SYTL5: variants seen among roughly 807,000 people sequenced by gnomAD.
The protein encoded by SYTL5 is synaptotagmin-like protein 5.
A neutral mutation model predicts 55.9 loss-of-function variants in SYTL5; 34 were observed. That is an observed-to-expected ratio of 0.61 (90% confidence interval 0.46 to 0.81). The LOEUF (loss-of-function observed/expected upper bound fraction) is 0.81, where lower values mean the gene tolerates loss of function less well. Among genes scored for constraint, SYTL5 ranks in the 30% least tolerant of loss-of-function variants. SYTL5 has a pLI of 0.00. For missense variants in SYTL5, 637 were observed against 546.7 expected, an observed-to-expected ratio of 1.17 and a Z score of -1.65; for synonymous variants, 221 against 188.7, an observed-to-expected ratio of 1.17 and a Z score of -1.40.
chrX:37,962,384 T>G, the SYTL5 span, among the ~76,000 whole-genome samples: 47 of 111,524 alleles, frequency 4.2e-4, no homozygotes, highest in Non-Finnish European at 8.3e-4. Context: ...TTCATCCATG[T>G]CCCTACAAAG....
At chrX:38,064,526 T>G (rs1936046533) in intron 3 of SYTL5, among the ~76,000 whole-genome samples, 1 of 111,496 alleles carries the variant, frequency 9.0e-6, no homozygotes, top group Non-Finnish European at 1.9e-5. Context: ...AATTTTATTT[T>G]AGGTGCTGGT....
chrX:37,930,324 A>T, the SYTL5 span, among the ~76,000 whole-genome samples: 1 of 112,162 alleles, frequency 8.9e-6, no homozygotes, highest in African/African-American at 3.2e-5. Flanking sequence ...AGCCTTCTTT[A>T]TAGCCAAGTT....
chrX:38,118,521 C>A (rs1937528129), intron 13 of SYTL5, among the ~76,000 whole-genome samples: 1 of 111,408 alleles, frequency 9.0e-6, no homozygotes, highest in African/African-American at 3.3e-5. Context: ...CTTTCCTGCT[C>A]TACCTGTGAA....
intron 6 of SYTL5, among the ~76,000 whole-genome samples, chrX:38,087,110 A>G: frequency 9.0e-6 from 1 of 111,313 alleles, no homozygotes; most frequent in East Asian, 2.8e-4. Flanking sequence ...GACCTTCCGC[A>G]CACACACAAG....
intron 13 of SYTL5, among the ~76,000 whole-genome samples, chrX:38,111,714 G>A (rs973461199): frequency 8.9e-6 from 1 of 112,118 alleles, no homozygotes; most frequent in Non-Finnish European, 1.9e-5. Flanking sequence ...GAAGAGGAGA[G>A]TTCCTCCTCC....
At chrX:37,953,742 T>C in the SYTL5 span, among the ~76,000 whole-genome samples, 958 of 111,035 alleles carry the variant, frequency 8.6e-3, 4 homozygotes, top group Middle Eastern at 0.019. Context: ...GGCTAGAGAG[T>C]TGGGGACCCC....
chrX:37,992,608 G>A, the SYTL5 span, among the ~76,000 whole-genome samples: 357 of 112,221 alleles, frequency 3.2e-3, 1 homozygote, highest in African/African-American at 0.011. Flanking sequence ...GCATGCACAG[G>A]GTCCCCCTTA....
At chrX:38,038,367 C>G (rs7064343) in intron 2 of SYTL5, among the ~76,000 whole-genome samples, 25,701 of 111,189 alleles carry the variant, frequency 0.23, 5,308 homozygotes, top group African/African-American at 0.66. Context: ...CATCTCACCA[C>G]TTATGGCTAT....
chrX:38,091,791 A>AG (rs377746109), intron 7 of SYTL5, among the ~76,000 whole-genome samples: 1 of 111,868 alleles, frequency 8.9e-6, no homozygotes, highest in African/African-American at 3.3e-5. Flanking sequence ...TGAGATTATT[A>AG]GGGGGGAAAT....
chrX:37,953,105 T>C, the SYTL5 span, among the ~76,000 whole-genome samples: 2 of 111,563 alleles, frequency 1.8e-5, no homozygotes, highest in Non-Finnish European at 1.9e-5. Context: ...AGTGAAGTTA[T>C]TGAGCATCAG....
intron 1 of SYTL5, among the ~76,000 whole-genome samples, chrX:38,030,667 G>C (rs1380023098): frequency 1.8e-5 from 2 of 111,752 alleles, no homozygotes; most frequent in East Asian, 5.6e-4. Context: ...AAGTCACACA[G>C]ATATCAAACT....
intron 3 of SYTL5, among the ~76,000 whole-genome samples, chrX:38,069,946 C>T (rs1392607375): frequency 2.7e-5 from 3 of 111,711 alleles, no homozygotes; most frequent in African/African-American, 6.5e-5. Flanking sequence ...TAGATTTGAC[C>T]GTATTCCATA....
At chrX:38,120,525 G>T in intron 14 of SYTL5, 59 bp downstream of exon 14, 3 of 860,998 alleles carry the variant, frequency 3.5e-6, no homozygotes, top group Non-Finnish European at 5.2e-6. Flanking sequence ...GTGTGGTAGT[G>T]GGACTCAGGG....
intron 13 of SYTL5, among the ~76,000 whole-genome samples, chrX:38,111,944 C>T (rs765434542): frequency 1.8e-5 from 2 of 111,148 alleles, no homozygotes; most frequent in Non-Finnish European, 3.8e-5. Context: ...CTAAGCTCCC[C>T]TAGACCTCTC....
At position 38,102,441 on chromosome X, in the gene SYTL5, A is replaced by T. The variant is rs773486868; in HGVS notation, c.1155+7A>T. On this transcript the variant is annotated splice_region_variant and intron_variant, in intron 10 of 16. Coordinates refer to ENST00000297875, the MANE Select transcript of SYTL5 (RefSeq NM_138780.3). ...GGCAAGTGGCCTATCAACTGTAAGC[A>T]GTTCACTAGGACATGTGGAAAGTTT... 5 of 1,149,927 alleles carry T rather than the reference A, an allele frequency of 4.3e-6. No individual in the cohort carries two copies. In the East Asian group the frequency reaches 1.5e-4, roughly 34 times the overall value. The allele number at this position is 1,149,927 out of a possible 1,213,427, so 94.8% of individuals were successfully genotyped here.
chrX:37,918,369 G>A, the SYTL5 span, among the ~76,000 whole-genome samples: 2 of 111,769 alleles, frequency 1.8e-5, no homozygotes, highest in Non-Finnish European at 3.8e-5. Context: ...ACAGAGCCAA[G>A]TCATGAAAGT....
intron 6 of SYTL5, among the ~76,000 whole-genome samples, chrX:38,084,996 G>A (rs1439923516): frequency 1.8e-5 from 2 of 110,987 alleles, no homozygotes; most frequent in Non-Finnish European, 3.8e-5. Context: ...GAAACATTTG[G>A]TGGGCCCAAA....
At chrX:38,039,347 G>T (rs1270026002) in intron 2 of SYTL5, among the ~76,000 whole-genome samples, 1 of 112,308 alleles carries the variant, frequency 8.9e-6, no homozygotes, top group Non-Finnish European at 1.9e-5. Flanking sequence ...ATAAAATTGA[G>T]CTATCAACAA....
the SYTL5 span, among the ~76,000 whole-genome samples, chrX:37,929,300 C>T: frequency 9.0e-6 from 1 of 111,159 alleles, no homozygotes; most frequent in Non-Finnish European, 1.9e-5. Flanking sequence ...AAGGGCTTTT[C>T]TTCTCAGCAA....
Sources: gnomAD v4.1 joint callset for allele counts (sites outside exome capture counted in the v4.1 genomes callset) on GRCh38, gnomAD v4.1.1 for gene constraint, MANE v1.5 for transcripts, NCBI Gene and HGNC (gene_info 2026-07-23, HGNC 2026-07-21) for gene names.